The following PVT1 variants were observed in gnomAD, a reference collection of about 807,000 sequenced individuals.
PVT1 encodes the protein Pvt1 oncogene.
intron 3 of PVT1, among the ~76,000 whole-genome samples, chr8:127,944,406 TGAGA>T (rs1816391905): frequency 6.6e-6 from 1 of 152,212 alleles, no homozygotes; most frequent in Non-Finnish European, 1.5e-5. Context: ...CTAGCCATGG[TGAGA>T]CCTTGCCCAG....
chr8:128,000,324 G>A (rs113974427), intron 4 of PVT1, among the ~76,000 whole-genome samples: 34 of 152,270 alleles, frequency 2.2e-4, no homozygotes, highest in African/African-American at 7.5e-4. Flanking sequence ...GGCCAGGCAG[G>A]CAACAAAAAT....
At chr8:128,050,118 T>C (rs941928361) in intron 4 of PVT1, among the ~76,000 whole-genome samples, 1 of 152,196 alleles carries the variant, frequency 6.6e-6, no homozygotes, top group Non-Finnish European at 1.5e-5. Flanking sequence ...GTACTAATCT[T>C]GCAATCATAA....
At chr8:127,933,128 T>C (rs1284719963) in intron 3 of PVT1, among the ~76,000 whole-genome samples, 2 of 152,108 alleles carry the variant, frequency 1.3e-5, no homozygotes, top group Non-Finnish European at 2.9e-5. Context: ...CAAGCTGGAG[T>C]GCAATGGCAC....
chr8:127,839,700 G>A (rs982942658), intron 2 of PVT1, among the ~76,000 whole-genome samples: 2 of 152,124 alleles, frequency 1.3e-5, no homozygotes, highest in Non-Finnish European at 2.9e-5. Context: ...CATCAGTCAG[G>A]GTCTAATGGC....
At position 127,897,062 on chromosome 8, in the gene PVT1, G is replaced by C. The variant is rs533098292; in HGVS notation, n.782+6064G>C. Among the ~76,000 whole-genome samples the C allele has an allele frequency of 3.5e-4, 54 of 152,258 alleles. 1 individual carries two copies. The highest frequency in any genetic ancestry group is 7.1e-4 in the Non-Finnish European group (48 of 68,022). On this transcript the variant is annotated intron_variant and non_coding_transcript_variant, in intron 3 of 10. Transcript: ENST00000651587. ...GGGAGTATTCAGTGTAACAAGCCTT[G>C]AGAAAACACTGGCCTGTGGAATTCC... is the stretch of plus-strand genomic sequence containing the variant.
At chr8:128,071,347 G>A (rs908204007) in intron 5 of PVT1, among the ~76,000 whole-genome samples, 2 of 152,106 alleles carry the variant, frequency 1.3e-5, no homozygotes, top group African/African-American at 2.4e-5. Context: ...TGTCAGCCAC[G>A]TGGATGCCAT....
At chr8:128,058,906 A>G (rs996930594) in intron 4 of PVT1, among the ~76,000 whole-genome samples, 2 of 152,164 alleles carry the variant, frequency 1.3e-5, no homozygotes, top group African/African-American at 4.8e-5. Context: ...CACCAGACGC[A>G]TGGCTGTTCT....
intron 2 of PVT1, among the ~76,000 whole-genome samples, chr8:127,850,727 A>G (rs1815098244): frequency 6.6e-6 from 1 of 152,242 alleles, no homozygotes; most frequent in South Asian, 2.1e-4. Flanking sequence ...AGTTAAGAAC[A>G]TGTAGTTGTG....
intron 4 of PVT1, among the ~76,000 whole-genome samples, chr8:127,993,992 G>T (rs1353395301): frequency 1.3e-5 from 2 of 152,186 alleles, no homozygotes; most frequent in Non-Finnish European, 1.5e-5. Flanking sequence ...TGGAGCAATT[G>T]CATTGCTTGA....
intron 2 of PVT1, among the ~76,000 whole-genome samples, chr8:127,808,057 CG>C (rs1213843217): frequency 2.0e-5 from 3 of 150,464 alleles, no homozygotes; most frequent in African/African-American, 7.3e-5. Flanking sequence ...CGTGAGCCAC[CG>C]GGCCCGGCTG....
intron 4 of PVT1, among the ~76,000 whole-genome samples, chr8:128,013,450 A>C (rs779374655): frequency 1.3e-4 from 19 of 151,200 alleles, no homozygotes; most frequent in Non-Finnish European, 2.5e-4. Flanking sequence ...ATCACTTTCT[A>C]TTTCTATTAT....
At chr8:127,934,939 G>A (rs1816254468) in intron 3 of PVT1, among the ~76,000 whole-genome samples, 1 of 152,054 alleles carries the variant, frequency 6.6e-6, no homozygotes, top group Admixed American at 6.6e-5. Flanking sequence ...CTGTACCTGG[G>A]TGCTCTGTTA....
chr8:128,058,252 G>A (rs1279582489), intron 4 of PVT1, among the ~76,000 whole-genome samples: 1 of 152,134 alleles, frequency 6.6e-6, no homozygotes, highest in Non-Finnish European at 1.5e-5. Context: ...AAATCCCTGG[G>A]AGTTTTAAAC....
At chr8:127,854,979 TGTA>T (rs928411726) in intron 2 of PVT1, among the ~76,000 whole-genome samples, 1 of 152,064 alleles carries the variant, frequency 6.6e-6, no homozygotes, top group African/African-American at 2.4e-5. Context: ...AAACTGAAGG[TGTA>T]GTAGGAGAAG....
intron 4 of PVT1, among the ~76,000 whole-genome samples, chr8:128,054,953 A>G (rs1032788416): frequency 5.3e-5 from 8 of 152,210 alleles, no homozygotes; most frequent in African/African-American, 1.9e-4. Flanking sequence ...GGCCTCATCC[A>G]ATCAGTGGAA....
chr8:127,985,186 A>G, intron 3 of PVT1, among the ~76,000 whole-genome samples: 1 of 151,540 alleles, frequency 6.6e-6, no homozygotes. Flanking sequence ...GGTGCCTGCC[A>G]CTGCCCCTGG....
At chr8:127,837,429 A>G (rs1206586685) in intron 2 of PVT1, among the ~76,000 whole-genome samples, 5 of 150,368 alleles carry the variant, frequency 3.3e-5, no homozygotes, top group Admixed American at 3.3e-4. Flanking sequence ...AATTAAGGGG[A>G]AATTCGGAAA....
At chr8:128,051,068 G>T (rs559035079) in intron 4 of PVT1, among the ~76,000 whole-genome samples, 1 of 152,312 alleles carries the variant, frequency 6.6e-6, no homozygotes, top group South Asian at 2.1e-4. Flanking sequence ...TTTATGGGAC[G>T]ATTGAGTATT....
intron 3 of PVT1, among the ~76,000 whole-genome samples, chr8:127,933,966 G>A (rs542327210): frequency 6.6e-6 from 1 of 152,336 alleles, no homozygotes; most frequent in South Asian, 2.1e-4. Context: ...CAGCCTCACA[G>A]CTAACTCTCA....
Sources: allele counts gnomAD v4.1 joint callset (sites outside exome capture counted in the v4.1 genomes callset), GRCh38; gene constraint gnomAD v4.1.1; transcripts MANE v1.5; gene names NCBI Gene and HGNC (gene_info 2026-07-23, HGNC 2026-07-21).